Variants in XKR9 observed in about 807,000 individuals in gnomAD.
XKR9 encodes the protein XK related 9, also known as XK-related protein 9.
XKR9 carries 32 observed loss-of-function variants against 32.0 expected under a neutral mutation model. The ratio of observed to expected loss-of-function variants is 1.00; its 90% CI spans 0.76 to 1.34. The LOEUF is 1.34. XKR9 is among the 40% of genes most tolerant of loss of function. The pLI is 0.00. For synonymous variants in XKR9, 168 were observed against 143.4 expected (o/e 1.17, Z -1.22); for missense variants, 546 against 429.7 (o/e 1.27, Z -2.39).
At chr8:70,936,580 C>T in the XKR9 span, among the ~76,000 whole-genome samples, 1 of 152,022 alleles carries the variant, frequency 6.6e-6, no homozygotes, top group Non-Finnish European at 1.5e-5. Context: ...TGTGTATTAG[C>T]TGACTATTGG....
intron 3 of XKR9, among the ~76,000 whole-genome samples, chr8:70,703,053 C>G (rs1043649801): frequency 6.6e-6 from 1 of 151,840 alleles, no homozygotes; most frequent in Non-Finnish European, 1.5e-5. Flanking sequence ...TAAGATGTAC[C>G]TATGTATGGT....
intron 2 of XKR9, among the ~76,000 whole-genome samples, chr8:70,767,279 T>G (rs1473790671): frequency 6.6e-6 from 1 of 152,084 alleles, no homozygotes; most frequent in Admixed American, 6.6e-5. Flanking sequence ...ATTTCAGAAC[T>G]TGTTATTGGT....
the XKR9 span, among the ~76,000 whole-genome samples, chr8:70,823,817 C>A: frequency 6.6e-6 from 1 of 152,076 alleles, no homozygotes; most frequent in East Asian, 1.9e-4. Flanking sequence ...AGGCTTATGT[C>A]CTTGATCAAG....
At chr8:71,041,115 A>G in the XKR9 span, among the ~76,000 whole-genome samples, 151 of 152,332 alleles carry the variant, frequency 9.9e-4, no homozygotes, top group African/African-American at 3.6e-3. Flanking sequence ...ACAATGTCAT[A>G]GTCTGTGTAA....
chr8:70,792,542 A>G (rs1206418987), downstream of XKR9, among the ~76,000 whole-genome samples: 1 of 152,136 alleles, frequency 6.6e-6, no homozygotes, highest in Non-Finnish European at 1.5e-5. Flanking sequence ...GAAATGAACT[A>G]TGGAGTGAAA....
intron 2 of XKR9, among the ~76,000 whole-genome samples, chr8:70,741,007 C>G (rs1806963903): frequency 6.6e-6 from 1 of 152,244 alleles, no homozygotes; most frequent in Non-Finnish European, 1.5e-5. Flanking sequence ...AGCTGTCAGA[C>G]AGGGACATTG....
intron 4 of XKR9, among the ~76,000 whole-genome samples, chr8:70,722,155 T>C (rs777214009): frequency 1.3e-5 from 2 of 152,118 alleles, no homozygotes; most frequent in South Asian, 4.2e-4. Flanking sequence ...ATTTGCTTGG[T>C]AAATATTCCT....
the XKR9 span, among the ~76,000 whole-genome samples, chr8:70,887,758 T>C: frequency 6.6e-6 from 1 of 152,078 alleles, no homozygotes; most frequent in Admixed American, 6.6e-5. Flanking sequence ...TGCTTTTGAT[T>C]TTTGCACATT....
At chr8:70,890,627 C>T in the XKR9 span, among the ~76,000 whole-genome samples, 8 of 151,980 alleles carry the variant, frequency 5.3e-5, no homozygotes, top group African/African-American at 9.7e-5. Context: ...ATATATTGAA[C>T]CAGCCTTGTG....
the XKR9 span, among the ~76,000 whole-genome samples, chr8:70,883,684 A>T: frequency 1.3e-5 from 2 of 152,138 alleles, no homozygotes; most frequent in Admixed American, 6.6e-5. Context: ...ATATGATTTA[A>T]AGTTATTTTA....
At chr8:70,914,668 G>A in the XKR9 span, among the ~76,000 whole-genome samples, 3 of 152,034 alleles carry the variant, frequency 2.0e-5, no homozygotes, top group Non-Finnish European at 4.4e-5. Context: ...CCACTCATTG[G>A]CTTCCATTTT....
chr8:70,980,098 T>C, the XKR9 span, among the ~76,000 whole-genome samples: 1 of 152,216 alleles, frequency 6.6e-6, no homozygotes, highest in East Asian at 1.9e-4. Flanking sequence ...TAGTGTGCCA[T>C]TTGCTAAGAC....
At chr8:70,859,249 A>T in the XKR9 span, among the ~76,000 whole-genome samples, 1 of 152,270 alleles carries the variant, frequency 6.6e-6, no homozygotes, top group South Asian at 2.1e-4. Context: ...ATATGAAAAA[A>T]TTTACCACAT....
chr8:70,714,320 CAAG>C (rs1326657034), intron 4 of XKR9, among the ~76,000 whole-genome samples: 3 of 151,762 alleles, frequency 2.0e-5, no homozygotes, highest in South Asian at 2.1e-4. Flanking sequence ...TTATTTAAAA[CAAG>C]AAAATAAATT....
At chr8:70,704,475 T>G (rs1313615166) in intron 3 of XKR9, among the ~76,000 whole-genome samples, 1 of 152,150 alleles carries the variant, frequency 6.6e-6, no homozygotes, top group Non-Finnish European at 1.5e-5. Context: ...TATTAACTCA[T>G]TTAATTCTCA....
the XKR9 span, among the ~76,000 whole-genome samples, chr8:70,989,049 C>T: frequency 2.6e-5 from 4 of 152,160 alleles, no homozygotes; most frequent in African/African-American, 9.7e-5. Context: ...ACACTTTCTT[C>T]ATCCATTCAT....
At chr8:70,932,504 A>G in the XKR9 span, among the ~76,000 whole-genome samples, 4 of 152,180 alleles carry the variant, frequency 2.6e-5, no homozygotes, top group African/African-American at 9.7e-5. Flanking sequence ...GAAGTTAATG[A>G]CATTTCAGCA....
intron 4 of XKR9, among the ~76,000 whole-genome samples, chr8:70,717,163 TTGAG>T (rs1210034905): frequency 6.6e-6 from 1 of 152,134 alleles, no homozygotes; most frequent in Non-Finnish European, 1.5e-5. Flanking sequence ...TGGCCTGGCA[TTGAG>T]TGTCTGTGGT....
At chr8:70,793,828 C>T (rs776146411), downstream of XKR9, among the ~76,000 whole-genome samples, 1 of 151,384 alleles carries the variant, frequency 6.6e-6, no homozygotes, top group Non-Finnish European at 1.5e-5. Flanking sequence ...GATTTCTTTG[C>T]CTGTTTTGGA....
Sources: allele counts gnomAD v4.1 joint callset (sites outside exome capture counted in the v4.1 genomes callset), GRCh38; gene constraint gnomAD v4.1.1; transcripts MANE v1.5; gene names NCBI Gene and HGNC (gene_info 2026-07-23, HGNC 2026-07-21).